The following GRM7 variants were observed in gnomAD, a reference collection of about 807,000 sequenced individuals.
GRM7 encodes glutamate metabotropic receptor 7.
Under a neutral mutation model 84.5 loss-of-function variants are expected in GRM7, and 35 were observed. The observed-to-expected ratio is 0.41, with a 90% CI of 0.32 to 0.55. GRM7 has a LOEUF of 0.55. Among genes scored for constraint, GRM7 ranks in the 20% least tolerant of loss-of-function variants. The pLI is 0.19. For synonymous variants in GRM7, 487 were observed against 455.1 expected (o/e 1.07, Z -0.89); for missense variants, 1,003 against 1,194.6 (o/e 0.84, Z 2.36).
intron 1 of GRM7, among the ~76,000 whole-genome samples, chr3:6,921,812 C>A (rs1697133680): frequency 6.6e-6 from 1 of 152,020 alleles, no homozygotes; most frequent in African/African-American, 2.4e-5. Context: ...TTCAGAATGG[C>A]TTCTCTCTCT....
intron 7 of GRM7, among the ~76,000 whole-genome samples, chr3:7,510,533 TACAA>T (rs1172279658): frequency 2.6e-5 from 4 of 152,124 alleles, no homozygotes; most frequent in African/African-American, 9.7e-5. Context: ...CTCCTTTAGA[TACAA>T]ACAAATTCAA....
chr3:7,725,830 G>GA (rs1702105622), intron 9 of GRM7, among the ~76,000 whole-genome samples: 1 of 152,062 alleles, frequency 6.6e-6, no homozygotes, highest in Middle Eastern at 3.2e-3. Flanking sequence ...TCTAGGACAT[G>GA]ACATCATGAT....
At chr3:6,986,837 G>A (rs991771896) in intron 1 of GRM7, among the ~76,000 whole-genome samples, 5 of 152,104 alleles carry the variant, frequency 3.3e-5, no homozygotes, top group African/African-American at 4.8e-5. Context: ...TCTCCTCTGA[G>A]CACGTGAGCT....
At chr3:7,085,324 AAT>A (rs1698416227) in intron 1 of GRM7, among the ~76,000 whole-genome samples, 1 of 152,188 alleles carries the variant, frequency 6.6e-6, no homozygotes, top group South Asian at 2.1e-4. Flanking sequence ...TTTGAAATAT[AAT>A]ACATCTTTCT....
chr3:7,124,482 G>T (rs930003885), intron 1 of GRM7, among the ~76,000 whole-genome samples: 1 of 152,166 alleles, frequency 6.6e-6, no homozygotes, highest in African/African-American at 2.4e-5. Flanking sequence ...CTCCAACCTG[G>T]AGTGATATCC....
chr3:7,690,407 A>C (rs1043047945), intron 9 of GRM7, among the ~76,000 whole-genome samples: 2 of 152,208 alleles, frequency 1.3e-5, no homozygotes, highest in Non-Finnish European at 2.9e-5. Context: ...TAAATATTAT[A>C]AAAATAAAAA....
intron 1 of GRM7, among the ~76,000 whole-genome samples, chr3:7,040,602 C>T (rs904711156): frequency 6.6e-6 from 1 of 151,934 alleles, no homozygotes; most frequent in Non-Finnish European, 1.5e-5. Context: ...CACACCTGGC[C>T]TGTCTCTATA....
chr3:7,075,679 C>T (rs183780889), intron 1 of GRM7, among the ~76,000 whole-genome samples: 1 of 152,164 alleles, frequency 6.6e-6, no homozygotes, highest in East Asian at 1.9e-4. Flanking sequence ...GTGCCCGCCA[C>T]CATGCCCAGC....
At chr3:7,430,726 T>A (rs1246944640) in intron 5 of GRM7, among the ~76,000 whole-genome samples, 1 of 152,220 alleles carries the variant, frequency 6.6e-6, no homozygotes, top group Non-Finnish European at 1.5e-5. Flanking sequence ...TTGTTTCTGC[T>A]TATTTTGCAA....
chr3:7,025,622 A>C lies in GRM7; in HGVS notation c.520-120830A>C, dbSNP rs2124919245. Among the ~76,000 whole-genome samples, 3 of 152,206 alleles carry C rather than the reference A, an allele frequency of 2.0e-5. No individual in the cohort carries two copies. The South Asian group carries it at 6.2e-4, about 32-fold the overall frequency. On this transcript the variant is annotated intron_variant, in intron 1 of 9. Coordinates refer to ENST00000357716, the MANE Select transcript of GRM7 (RefSeq NM_000844.4). ...GTGCAGGTTTTTTAAGAACAGAATT[A>C]TTGGTGCACTCCTCTGCCCTATCTT...
chr3:7,474,097 T>C (rs753326893), intron 7 of GRM7, among the ~76,000 whole-genome samples: 8 of 152,294 alleles, frequency 5.3e-5, no homozygotes, highest in Admixed American at 2.6e-4. Context: ...TCATCACTTA[T>C]GGCCATGATA....
At chr3:7,417,023 C>T (rs712775) in intron 5 of GRM7, among the ~76,000 whole-genome samples, 111,796 of 151,872 alleles carry the variant, frequency 0.74, 41,631 homozygotes, top group African/African-American at 0.83. Context: ...CCTCTGACTT[C>T]TATGAGCTTA....
At chr3:7,706,164 T>C (rs962693637) in intron 9 of GRM7, among the ~76,000 whole-genome samples, 1 of 152,282 alleles carries the variant, frequency 6.6e-6, no homozygotes, top group Non-Finnish European at 1.5e-5. Context: ...GCCCTAGACA[T>C]AGAAAAAACA....
At chr3:6,988,967 C>T (rs1369963496) in intron 1 of GRM7, among the ~76,000 whole-genome samples, 1 of 152,088 alleles carries the variant, frequency 6.6e-6, no homozygotes, top group African/African-American at 2.4e-5. Flanking sequence ...TAAATAAACC[C>T]TCCTATTTTC....
At chr3:7,632,706 C>G (rs1344574951) in intron 8 of GRM7, among the ~76,000 whole-genome samples, 1 of 152,120 alleles carries the variant, frequency 6.6e-6, no homozygotes, top group Non-Finnish European at 1.5e-5. Context: ...TGTTTTCATC[C>G]ATAACAATAG....
chr3:7,234,673 A>G (rs1393254032), intron 2 of GRM7, among the ~76,000 whole-genome samples: 1 of 152,212 alleles, frequency 6.6e-6, no homozygotes, highest in Admixed American at 6.5e-5. Context: ...TTTTCTGGCA[A>G]CACCCAAAGG....
intron 7 of GRM7, among the ~76,000 whole-genome samples, chr3:7,534,048 T>C (rs1335449498): frequency 6.8e-6 from 1 of 147,722 alleles, no homozygotes; most frequent in Non-Finnish European, 1.5e-5. Context: ...GGAATCTCAC[T>C]CTTTTACCAA....
At position 7,182,608 on chromosome 3, in the gene GRM7, G is replaced by A. The variant is rs565773225; in HGVS notation, c.736+35940G>A. On this transcript the variant is annotated intron_variant, in intron 2 of 9. Coordinates refer to ENST00000357716, the MANE Select transcript of GRM7 (RefSeq NM_000844.4). ...TTCAGAAACCAACTCCATCAAAGTG[G>A]CTTTGTGTGTTTTATTTCTTCTCCC... 2.8e-4 allele frequency among the ~76,000 whole-genome samples: 43 copies of A among 152,272 alleles called. 1 individual carries two copies. In the South Asian group the frequency reaches 8.1e-3, roughly 29 times the overall value.
Position 7,578,489 on chromosome 3 carries a change from A to T in GRM7, c.1583A>T (p.Lys528Met), listed in dbSNP as rs985467323. Residue 528 changes from lysine (K) to methionine (M), a missense_variant, in exon 8 of 10, where the codon AAG (lysine) becomes ATG (methionine). Lys to Met is a moderately conservative substitution (Grantham distance 95). This residue lies in a region of GRM7 where 910 missense variants were observed against 1,126.0 expected (regional missense o/e 0.81). Transcript: ENST00000357716. Reference sequence around the variant, plus strand: ...GCCTCAGTGTGCACACTACCATGTAAGCCAGGACAGAGAAAGAAGACACAG... The same window carrying T: ...GCCTCAGTGTGCACACTACCATGTATGCCAGGACAGAGAAAGAAGACACAG... ...IPASVCTLPC[K>M]PGQRKKTQKG... 1 of 1,614,020 alleles carries T rather than the reference A, an allele frequency of 6.2e-7. No individual in the cohort carries two copies. The highest frequency in any genetic ancestry group is 8.5e-7 in the Non-Finnish European group (1 of 1,179,912).
Sources: gnomAD v4.1 joint callset for allele counts (sites outside exome capture counted in the v4.1 genomes callset) on GRCh38, gnomAD v4.1.1 for gene constraint, gnomAD v4.1.1 regional missense constraint, MANE v1.5 for transcripts, NCBI Gene and HGNC (gene_info 2026-07-23, HGNC 2026-07-21) for gene names.